SH2D3C: variants seen among roughly 807,000 people sequenced by gnomAD.
SH2D3C encodes SH2 domain-containing protein 3C.
Under a neutral mutation model 75.2 loss-of-function variants are expected in SH2D3C, and 25 were observed. The observed-to-expected ratio is 0.33, with a 90% CI of 0.24 to 0.46. The LOEUF (loss-of-function observed/expected upper bound fraction) is 0.46. Among genes scored for constraint, SH2D3C ranks in the 20% least tolerant of loss-of-function variants. The probability of loss-of-function intolerance (pLI) is 1.00; values close to 1 mark genes in which losing one functional copy is unlikely to be tolerated. For missense variants in SH2D3C, 933 were observed against 1,165.3 expected (o/e 0.80, Z 2.90); for synonymous variants, 450 against 473.7 (o/e 0.95, Z 0.65).
At chr9:127,765,281 A>T (rs1285685244) in intron 2 of SH2D3C, among the ~76,000 whole-genome samples, 1 of 152,090 alleles carries the variant, frequency 6.6e-6, no homozygotes, top group Admixed American at 6.6e-5. Context: ...TCCCTGCTTA[A>T]TTCTGCCCTG....
At chr9:127,773,911 CTG>C in intron 2 of SH2D3C, 77 bp downstream of exon 2, 2 of 825,070 alleles carry the variant, frequency 2.4e-6, no homozygotes, top group South Asian at 3.5e-5. Context: ...GAGCGACACT[CTG>C]TGTCAAAAAA....
chr9:127,771,235 C>G, intron 2 of SH2D3C: 6 of 1,544,886 alleles, frequency 3.9e-6, no homozygotes, highest in Non-Finnish European at 4.4e-6. Context: ...GTCATGCTTC[C>G]CCCGCTGTCG....
chr9:127,747,952 C>G (rs1291968418), intron 5 of SH2D3C, among the ~76,000 whole-genome samples: 1 of 152,150 alleles, frequency 6.6e-6, no homozygotes, highest in Non-Finnish European at 1.5e-5. Context: ...TTGGGGGCAC[C>G]CAGCTGAGCC....
intron 3 of SH2D3C, chr9:127,755,427 G>C (rs1452832853): frequency 4.2e-5 from 11 of 264,752 alleles, no homozygotes; most frequent in Middle Eastern, 2.3e-3. Context: ...CCGCGCGCTC[G>C]GGCTGCCTGG....
In SH2D3C at chr9:127,774,208, C is replaced by T; in HGVS notation, c.297G>A (p.Glu99=). 6.2e-7 allele frequency: 1 copy of T among 1,613,930 alleles called. No individual in the cohort carries two copies. The change falls in exon 2 of 12, where the codon GAG becomes GAA. Residue 99 remains glutamate, a synonymous_variant. Transcript: ENST00000314830. This position sits in a 1 kb window ranked among gnomAD's most constrained non-coding sequence, Gnocchi z 4.3. ...GTACCAAGTTGGGCTTGGGACCCGC[C>T]TCCTGGGCCTGCCGGGCAGCCTGTG... ...QNSQAARQAQ[E]AGPKPNLVPG...
chr9:127,742,887 G>A lies in SH2D3C; in HGVS notation c.1878C>T (p.Leu626=). The A allele has an allele frequency of 6.2e-7, 1 of 1,613,936 alleles. No homozygotes were observed. Among genetic ancestry groups the A allele is most frequent in the Non-Finnish European group, 8.5e-7 (1 of 1,179,918 alleles). The change falls in exon 8 of 12, where the codon CTC becomes CTT. Residue 626 remains leucine (L), a synonymous_variant. Transcript: ENST00000314830. ...CTAGGCGTAGCTGCCGGCCATGGGG[G>A]AGGGTGAGCAGTTCCATGCCCCAGC... ...GVRWGMELLT[L]PHGRQLRLDL... is the part of the protein sequence containing the mutation.
chr9:127,773,198 A>G (rs543929706), intron 2 of SH2D3C, among the ~76,000 whole-genome samples: 4 of 152,194 alleles, frequency 2.6e-5, no homozygotes, highest in Admixed American at 6.5e-5. Flanking sequence ...CTATTGTCCT[A>G]TCATCACAAT....
chr9:127,757,599 C>T (rs1845417528), intron 3 of SH2D3C, among the ~76,000 whole-genome samples: 1 of 143,474 alleles, frequency 7.0e-6, no homozygotes, highest in Non-Finnish European at 1.5e-5. Flanking sequence ...CACCACCATA[C>T]CCAGATGATG....
intron 3 of SH2D3C, among the ~76,000 whole-genome samples, 192 bp downstream of exon 3, chr9:127,761,419 G>A (rs1354166891): frequency 2.6e-5 from 4 of 152,124 alleles, no homozygotes; most frequent in African/African-American, 9.7e-5. Flanking sequence ...AATAATGGCT[G>A]GTGTAGGAAG....
intron 6 of SH2D3C, among the ~76,000 whole-genome samples, chr9:127,745,455 CTTTTTTTTTTTTTT>C (rs1190107937): frequency 9.1e-6 from 1 of 109,554 alleles, no homozygotes. Context: ...TAATGATTTC[CTTTTTTTTTTTTTT>C]TTTTTTTTTT....
At position 127,744,712 on chromosome 9, in the gene SH2D3C, G is replaced by T. The variant is rs751047994; in HGVS notation, c.1652C>A (p.Ser551Tyr). ...TFTVPIVEVT[S>Y]SFNPATFQSL... is the part of the protein sequence containing the mutation. ...CTGGAAGGTGGCCGGGTTGAAGGAA[G>T]AAGTGACTTCCACGATGGGGACTGT... The change falls in exon 7 of 12, where the codon TCT becomes TAT. Residue 551 changes from serine (S) to tyrosine (Y), a missense_variant. Physicochemically the swap from Ser to Tyr is moderately radical, Grantham distance 144 (BLOSUM62 -2). Coordinates refer to ENST00000314830, the MANE Select transcript of SH2D3C (RefSeq NM_170600.3). 2 of 1,614,116 alleles carry T rather than the reference G, an allele frequency of 1.2e-6. No individual in the cohort carries two copies. The highest frequency in any genetic ancestry group is 1.7e-6 in the Non-Finnish European group (2 of 1,180,052).
rs1017630736 is a variant in SH2D3C, at chr9:127,754,342, C to G, written c.556-3042G>C. Among the ~76,000 whole-genome samples, 1 of 152,048 alleles carries G rather than the reference C, an allele frequency of 6.6e-6. No homozygotes were observed. Among genetic ancestry groups the G allele is most frequent in the South Asian group, 2.1e-4 (1 of 4,826 alleles). ...TCCCAGGGGGCTCAGGGGGCAGGAG[C>G]GCGGAGACCCCCGGACAGGGTCTTA... On this transcript the variant is annotated intron_variant, in intron 3 of 11. Coordinates refer to ENST00000314830, the MANE Select transcript of SH2D3C (RefSeq NM_170600.3). This position sits in a 1 kb window ranked among gnomAD's most constrained non-coding sequence, Gnocchi z 4.4.
In SH2D3C at chr9:127,741,887, C is replaced by A. The variant is rs755314693; in HGVS notation, c.1989G>T (p.Ala663=). 1 of 1,613,168 alleles carries A rather than the reference C, an allele frequency of 6.2e-7. No homozygotes were observed. The highest frequency in any genetic ancestry group is 2.2e-5 in the East Asian group (1 of 44,876). The change falls in exon 9 of 12, where the codon GCG becomes GCT. Residue 663 remains alanine, a synonymous_variant. Coordinates refer to ENST00000314830, the MANE Select transcript of SH2D3C (RefSeq NM_170600.3). ...CCAGCTGAATGGTCTTGTGCAGCAG[C>A]GCTGCCCGCTCCTCCGCAGAGCCGG... is the stretch of plus-strand genomic sequence containing the variant. ...GCTGSAEERA[A]LLHKTIQLAA... is the part of the protein sequence containing the mutation.
At position 127,755,304 on chromosome 9, in the gene SH2D3C, G is replaced by A; in HGVS notation, c.556-4004C>T. The stretch of plus-strand genomic sequence containing the variant: ...CATCGCCTTGTCGGGGGAGGAGCGG[G>A]GAGGCGGGGCGGGGAGACCCCACCC... On this transcript the variant is annotated intron_variant, in intron 3 of 11. Transcript: ENST00000314830. 2.7e-6 allele frequency: 3 copies of A among 1,091,374 alleles called. 1 individual carries two copies. The highest frequency in any genetic ancestry group is 3.4e-6 in the Non-Finnish European group (3 of 879,268). 67.6% of individuals were successfully genotyped at this position (1,091,374 alleles called of 1,614,324 possible). A position where few individuals can be genotyped will look rare whatever the true frequency, so the allele number is the denominator to read the frequency against.
chr9:127,748,249 C>T (rs893296712), intron 5 of SH2D3C, among the ~76,000 whole-genome samples: 2 of 152,174 alleles, frequency 1.3e-5, no homozygotes, highest in Non-Finnish European at 2.9e-5. Context: ...CAACTATGCT[C>T]AGGATGCCTC....
rs78819762 is a variant in SH2D3C, at chr9:127,753,736, G to A, written c.556-2436C>T. 2.6e-3 allele frequency among the ~76,000 whole-genome samples: 395 copies of A among 152,322 alleles called. 8 individuals are homozygous for A. In the East Asian group the frequency reaches 0.055, roughly 21 times the overall value. ...AAACCCTGGAAAGGGGAGAGTGGGC[G>A]TCACAGGGAAAAAGGGAACCAAGAC... On this transcript the variant is annotated intron_variant, in intron 3 of 11. Transcript: ENST00000314830.
In SH2D3C at chr9:127,752,962, G is replaced by A. The variant is rs147713158; in HGVS notation, c.556-1662C>T. On this transcript the variant is annotated intron_variant, in intron 3 of 11. Transcript: ENST00000314830. The stretch of plus-strand genomic sequence containing the variant: ...CTGGGTGAGCCAAGCAAAAGCACCA[G>A]GGTGGAGAGGGCAGGTGGACAGGTG... Among the ~76,000 whole-genome samples the A allele has an allele frequency of 2.5e-3, 386 of 152,298 alleles. 8 individuals carry two copies. The East Asian group carries it at 0.055, about 22-fold the overall frequency.
intron 2 of SH2D3C, among the ~76,000 whole-genome samples, chr9:127,764,923 G>A (rs1388090790): frequency 6.6e-6 from 1 of 152,116 alleles, no homozygotes; most frequent in Non-Finnish European, 1.5e-5. Context: ...TGGCCAGGCT[G>A]GTCTTGAACT....
At chr9:127,755,103 G>A (rs951314797) in intron 3 of SH2D3C, 7 of 1,217,250 alleles carry the variant, frequency 5.8e-6, no homozygotes, top group African/African-American at 1.6e-5. Context: ...AGGAGCCGCG[G>A]TAGAAGCAGC....
Sources: gnomAD v4.1 joint callset for allele counts (sites outside exome capture counted in the v4.1 genomes callset) on GRCh38, gnomAD v4.1.1 for gene constraint, Gnocchi (gnomAD v3.1) non-coding constraint, MANE v1.5 for transcripts, NCBI Gene and HGNC (gene_info 2026-07-23, HGNC 2026-07-21) for gene names.